DAB1: variants seen among roughly 807,000 people sequenced by gnomAD.
DAB1 encodes the protein DAB adaptor protein 1.
DAB1 carries 15 observed loss-of-function variants against 64.6 expected under a neutral mutation model. The ratio of observed to expected loss-of-function variants is 0.23; its 90% CI spans 0.16 to 0.36. The LOEUF (loss-of-function observed/expected upper bound fraction) is 0.36, where lower values mean the gene tolerates loss of function less well. DAB1 is among the 10% of genes least tolerant of loss of function. The pLI is 1.00. For synonymous variants in DAB1, 235 were observed against 251.9 expected (o/e 0.93, Z 0.64); for missense variants, 596 against 706.7 (o/e 0.84, Z 1.78).
At chr1:58,468,920 C>T (rs1200511945) in intron 3 of DAB1, 3 of 243,638 alleles carry the variant, frequency 1.2e-5, no homozygotes, top group African/African-American at 2.3e-5. Context: ...AGTGGTACCC[C>T]TCCATGGCCG....
intron 4 of DAB1, among the ~76,000 whole-genome samples, chr1:57,098,064 A>G (rs1050937007): frequency 6.6e-6 from 1 of 152,192 alleles, no homozygotes; most frequent in Admixed American, 6.5e-5. Flanking sequence ...GGCATGAGCC[A>G]CCGCACCCAG....
At chr1:57,822,399 T>C (rs1190030569), downstream of DAB1, among the ~76,000 whole-genome samples, 1 of 151,996 alleles carries the variant, frequency 6.6e-6, no homozygotes, top group Admixed American at 6.6e-5. Flanking sequence ...CCACACTGGT[T>C]AGGGGGATCA....
At chr1:58,097,986 C>G (rs748602436) in intron 5 of DAB1, among the ~76,000 whole-genome samples, 1 of 152,138 alleles carries the variant, frequency 6.6e-6, no homozygotes, top group Non-Finnish European at 1.5e-5. Flanking sequence ...ATCAGGGACT[C>G]TTTTGTATTT....
chr1:57,109,638 G>A (rs1655481703), intron 4 of DAB1, among the ~76,000 whole-genome samples: 1 of 152,144 alleles, frequency 6.6e-6, no homozygotes, highest in Non-Finnish European at 1.5e-5. Flanking sequence ...CTAATATTTT[G>A]AGCAGTTATC....
chr1:58,204,160 G>C (rs1258149395), intron 4 of DAB1, among the ~76,000 whole-genome samples: 3 of 152,168 alleles, frequency 2.0e-5, no homozygotes, highest in African/African-American at 7.2e-5. Context: ...CTAGGATACA[G>C]AGAAAACCTG....
chr1:57,044,513 GC>G (rs1648212700), intron 9 of DAB1, among the ~76,000 whole-genome samples: 1 of 152,158 alleles, frequency 6.6e-6, no homozygotes, highest in Non-Finnish European at 1.5e-5. Context: ...TGACATCTGT[GC>G]TCTGGCCTCG....
intron 3 of DAB1, among the ~76,000 whole-genome samples, chr1:58,482,938 A>C (rs1017622862): frequency 2.0e-5 from 3 of 152,188 alleles, no homozygotes; most frequent in Admixed American, 6.5e-5. Context: ...TGTGGGGTCC[A>C]TGGAAAGAAT....
In DAB1 at chr1:57,782,680, T is replaced by A. The variant is rs1569668507; in HGVS notation, n.551+101319A>T. Among the ~76,000 whole-genome samples the A allele has an allele frequency of 2.0e-5, 3 of 152,278 alleles. No homozygotes were observed. In the South Asian group the frequency reaches 6.2e-4, roughly 32 times the overall value. On this transcript the variant is annotated intron_variant and non_coding_transcript_variant, in intron 6 of 20. Transcript: ENST00000485760. ...GAAGAATTAAAAACAAAAGGTACTA[T>A]CTTGGGTGCTTTTAAATTTTTCCTG... is the stretch of plus-strand genomic sequence containing the variant.
At chr1:58,224,903 A>G (rs1174904537) in intron 4 of DAB1, among the ~76,000 whole-genome samples, 1 of 152,180 alleles carries the variant, frequency 6.6e-6, no homozygotes, top group Non-Finnish European at 1.5e-5. Context: ...AGGCATGGGC[A>G]AGGACTTCAT....
intron 3 of DAB1, among the ~76,000 whole-genome samples, chr1:58,481,671 T>C (rs1557434443): frequency 6.6e-6 from 1 of 151,428 alleles, no homozygotes; most frequent in Non-Finnish European, 1.5e-5. Flanking sequence ...AAATCTCATC[T>C]TGAATTGCAG....
At chr1:57,499,527 C>T (rs764181970) in intron 7 of DAB1, among the ~76,000 whole-genome samples, 5 of 152,206 alleles carry the variant, frequency 3.3e-5, no homozygotes, top group South Asian at 2.1e-4. Context: ...TTCTGCCCAC[C>T]GAAGTGACCC....
intron 7 of DAB1, among the ~76,000 whole-genome samples, chr1:57,599,030 T>A (rs985579424): frequency 7.3e-5 from 11 of 151,644 alleles, no homozygotes; most frequent in Admixed American, 7.2e-4. Flanking sequence ...TCCAGGCATG[T>A]TTTTATTTTT....
chr1:58,409,009 GACTC>G (rs1257356578), intron 3 of DAB1, among the ~76,000 whole-genome samples: 1 of 152,122 alleles, frequency 6.6e-6, no homozygotes, highest in African/African-American at 2.4e-5. Context: ...TCAAAGGTAA[GACTC>G]ACACAGAGGT....
rs141821302 is a variant in DAB1, at chr1:57,645,353, T to G, written n.625+4239A>C. 2.5e-3 allele frequency among the ~76,000 whole-genome samples: 378 copies of G among 152,310 alleles called. 2 individuals are homozygous for G. Among genetic ancestry groups the G allele is most frequent in the African/African-American group, 8.2e-3 (342 of 41,576 alleles). ...TTAGAAACCTAGCAGGCCTTCTGAC[T>G]GTTTAGCAGTGAGGTCATTTTCCAG... On this transcript the variant is annotated intron_variant and non_coding_transcript_variant, in intron 7 of 20. Transcript: ENST00000485760.
intron 7 of DAB1, among the ~76,000 whole-genome samples, chr1:57,583,796 C>T (rs1162854466): frequency 6.6e-6 from 1 of 152,170 alleles, no homozygotes; most frequent in Non-Finnish European, 1.5e-5. Context: ...TGAATCTTGT[C>T]AGGTAATCAT....
At chr1:56,999,684 G>C (rs1645770645) in intron 14 of DAB1, among the ~76,000 whole-genome samples, 1 of 152,182 alleles carries the variant, frequency 6.6e-6, no homozygotes, top group Non-Finnish European at 1.5e-5. Flanking sequence ...TACAGATGAG[G>C]AATCTGAAGT....
intron 1 of DAB1, among the ~76,000 whole-genome samples, chr1:57,857,711 G>A (rs1653816492): frequency 6.6e-6 from 1 of 152,104 alleles, no homozygotes; most frequent in South Asian, 2.1e-4. Context: ...AGTACTAGCT[G>A]TGCATCAGGT....
intron 5 of DAB1, among the ~76,000 whole-genome samples, chr1:57,989,028 C>T (rs1051196704): frequency 1.3e-5 from 2 of 152,090 alleles, no homozygotes; most frequent in African/African-American, 2.4e-5. Context: ...CTCCCCTCTG[C>T]GAGGAGAGCA....
At chr1:58,174,576 T>C (rs893977332) in intron 4 of DAB1, among the ~76,000 whole-genome samples, 1 of 152,298 alleles carries the variant, frequency 6.6e-6, no homozygotes, top group Admixed American at 6.5e-5. Flanking sequence ...CAACAGCAGT[T>C]GGGGTGTCCT....
Sources: allele counts gnomAD v4.1 joint callset (sites outside exome capture counted in the v4.1 genomes callset), GRCh38; gene constraint gnomAD v4.1.1; transcripts MANE v1.5; gene names NCBI Gene and HGNC (gene_info 2026-07-23, HGNC 2026-07-21).